Variants in SRPK2 observed in about 807,000 individuals in gnomAD.
SRPK2 encodes the protein SRSF protein kinase 2.
A neutral mutation model predicts 90.8 loss-of-function variants in SRPK2; 21 were observed. The ratio of observed to expected loss-of-function variants is 0.23; its 90% CI spans 0.16 to 0.33. SRPK2 has a LOEUF of 0.33. Among genes scored for constraint, SRPK2 ranks in the 10% least tolerant of loss-of-function variants. The pLI, the probability that SRPK2 is intolerant of heterozygous loss-of-function variation, is 1.00. For synonymous variants in SRPK2, 288 were observed against 311.1 expected (o/e 0.93, Z 0.78); for missense variants, 620 against 869.0 (o/e 0.71, Z 3.60).
chr7:105,388,421 G>A (rs1034899921), intron 2 of SRPK2, among the ~76,000 whole-genome samples: 10 of 148,048 alleles, frequency 6.8e-5, no homozygotes, highest in Admixed American at 4.0e-4. Flanking sequence ...GGAGGTCGCG[G>A]GGTCGAGGCT....
At chr7:105,269,636 G>T (rs1460767855) in intron 2 of SRPK2, among the ~76,000 whole-genome samples, 1 of 152,136 alleles carries the variant, frequency 6.6e-6, no homozygotes, top group East Asian at 1.9e-4. Context: ...TTAATTAAAA[G>T]ATAATTGCTG....
At chr7:105,176,369 T>C (rs1585058603) in intron 3 of SRPK2, among the ~76,000 whole-genome samples, 2 of 152,154 alleles carry the variant, frequency 1.3e-5, no homozygotes, top group Admixed American at 6.5e-5. Flanking sequence ...AAAGACCAAA[T>C]GCTTTCCCCC....
chr7:105,170,995 G>GAA (rs1554436146), intron 3 of SRPK2, among the ~76,000 whole-genome samples: 22 of 117,864 alleles, frequency 1.9e-4, no homozygotes, highest in African/African-American at 5.0e-4. Flanking sequence ...AAGAAAGAAA[G>GAA]AGAAAGAAAG....
chr7:105,219,137 G>C (rs953291585), intron 2 of SRPK2, among the ~76,000 whole-genome samples: 2 of 152,130 alleles, frequency 1.3e-5, no homozygotes, highest in African/African-American at 4.8e-5. Context: ...GTTGGATGGA[G>C]TGGTCGGCGC....
intron 2 of SRPK2, among the ~76,000 whole-genome samples, chr7:105,359,002 T>A (rs1276547956): frequency 6.6e-6 from 1 of 151,236 alleles, no homozygotes; most frequent in African/African-American, 2.4e-5. Flanking sequence ...CTCTGGAAAC[T>A]AAGAGTGAGA....
intron 2 of SRPK2, among the ~76,000 whole-genome samples, chr7:105,226,274 T>C (rs577420038): frequency 1.3e-5 from 2 of 152,018 alleles, no homozygotes; most frequent in East Asian, 3.9e-4. Context: ...ACGCACTATA[T>C]ATGTGCTCAA....
intron 2 of SRPK2, among the ~76,000 whole-genome samples, chr7:105,208,540 C>A (rs547369873): frequency 6.6e-6 from 1 of 152,044 alleles, no homozygotes; most frequent in Non-Finnish European, 1.5e-5. Flanking sequence ...CAGAAAAGAC[C>A]GCAGGTTGTA....
chr7:105,154,369 C>T (rs1197642909), intron 7 of SRPK2, among the ~76,000 whole-genome samples: 3 of 152,154 alleles, frequency 2.0e-5, no homozygotes, highest in Non-Finnish European at 4.4e-5. Context: ...CTGAACAAAC[C>T]CAGTAATATC....
intron 2 of SRPK2, among the ~76,000 whole-genome samples, chr7:105,297,836 G>A (rs1368143509): frequency 6.6e-6 from 1 of 150,388 alleles, no homozygotes; most frequent in Non-Finnish European, 1.5e-5. Context: ...CCACCTCCTG[G>A]GTTCAAGCAA....
intron 2 of SRPK2, among the ~76,000 whole-genome samples, chr7:105,335,295 G>A (rs1485344628): frequency 6.6e-6 from 1 of 152,098 alleles, no homozygotes; most frequent in Admixed American, 6.5e-5. Context: ...GCAAACAATT[G>A]CATTATCATT....
At chr7:105,352,983 C>G (rs115034043) in intron 2 of SRPK2, among the ~76,000 whole-genome samples, 1,786 of 152,244 alleles carry the variant, frequency 0.012, 43 homozygotes, top group African/African-American at 0.041. Context: ...GCCAGTACCT[C>G]TATTGGTTAA....
intron 2 of SRPK2, among the ~76,000 whole-genome samples, chr7:105,307,516 AT>A (rs1194136418): frequency 1.3e-5 from 2 of 152,250 alleles, no homozygotes; most frequent in Non-Finnish European, 2.9e-5. Flanking sequence ...GTCATCTGAC[AT>A]GTGCTCTCTC....
chr7:105,211,627 T>C (rs557473208), intron 2 of SRPK2, among the ~76,000 whole-genome samples: 13 of 152,158 alleles, frequency 8.5e-5, no homozygotes, highest in African/African-American at 3.1e-4. Context: ...CTGACTACCA[T>C]GAGAACAGCA....
chr7:105,122,433 C>T (rs900834246), intron 15 of SRPK2, among the ~76,000 whole-genome samples: 6 of 152,144 alleles, frequency 3.9e-5, no homozygotes, highest in Non-Finnish European at 7.3e-5. Flanking sequence ...GAAAACCAAA[C>T]GCCCATCATC....
chr7:105,272,029 ATT>A (rs1424046827), intron 2 of SRPK2, among the ~76,000 whole-genome samples: 14 of 152,240 alleles, frequency 9.2e-5, no homozygotes, highest in African/African-American at 3.1e-4. Flanking sequence ...AACCTTCTAG[ATT>A]TTGTTACATT....
At chr7:105,226,870 AG>A (rs1381983813) in intron 2 of SRPK2, among the ~76,000 whole-genome samples, 1 of 151,126 alleles carries the variant, frequency 6.6e-6, no homozygotes, top group African/African-American at 2.4e-5. Context: ...TGAACCTCGG[AG>A]GCAGAGGTTG....
intron 15 of SRPK2, among the ~76,000 whole-genome samples, chr7:105,121,377 T>TAAA (rs551673852): frequency 9.6e-5 from 4 of 41,794 alleles, no homozygotes; most frequent in South Asian, 1.4e-3. Context: ...TATGAAGACG[T>TAAA]AAAAAAAAAA....
intron 2 of SRPK2, among the ~76,000 whole-genome samples, chr7:105,220,907 G>A (rs935071782): frequency 2.6e-5 from 4 of 151,878 alleles, no homozygotes; most frequent in African/African-American, 4.8e-5. Flanking sequence ...TGGGGTCAGG[G>A]GCAGGAAGAG....
intron 2 of SRPK2, among the ~76,000 whole-genome samples, chr7:105,319,853 TC>T (rs757705737): frequency 0.02 from 2,870 of 142,014 alleles, 58 homozygotes; most frequent in South Asian, 0.048. Context: ...GGACATCACT[TC>T]CCCCCCTTTT....
Sources: gnomAD v4.1 joint callset for allele counts (sites outside exome capture counted in the v4.1 genomes callset) on GRCh38, gnomAD v4.1.1 for gene constraint, MANE v1.5 for transcripts, NCBI Gene and HGNC (gene_info 2026-07-23, HGNC 2026-07-21) for gene names.